Variants in COL23A1 observed in about 807,000 individuals in gnomAD.
The protein encoded by COL23A1 is collagen type XXIII alpha 1 chain.
A neutral mutation model predicts 99.3 loss-of-function variants in COL23A1; 97 were observed. The observed-to-expected ratio is 0.98, with a 90% CI of 0.83 to 1.16. The LOEUF (loss-of-function observed/expected upper bound fraction) is 1.16, where lower values mean the gene tolerates loss of function less well. Ranked by LOEUF, COL23A1 falls within the 50% of genes most tolerant of loss-of-function variation. The pLI is 0.00. For synonymous variants in COL23A1, 320 were observed against 308.2 expected, an observed-to-expected ratio of 1.04 and a Z score of -0.40; for missense variants, 762 against 757.4, an observed-to-expected ratio of 1.01 and a Z score of -0.07.
chr5:178,492,419 G>A (rs1260587517), intron 2 of COL23A1, among the ~76,000 whole-genome samples: 8 of 152,238 alleles, frequency 5.3e-5, no homozygotes, highest in South Asian at 2.1e-4. Context: ...GAAGGCAGCC[G>A]TCTACGAGCC....
At chr5:178,533,648 C>T (rs1760774118) in intron 2 of COL23A1, among the ~76,000 whole-genome samples, 3 of 152,232 alleles carry the variant, frequency 2.0e-5, no homozygotes, top group Non-Finnish European at 2.9e-5. Context: ...CAGGTGTGCA[C>T]CACCACGCCC....
intron 2 of COL23A1, among the ~76,000 whole-genome samples, chr5:178,523,201 T>TGTATATATATATAG (rs1554189087): frequency 1.3e-5 from 1 of 77,632 alleles, no homozygotes; most frequent in African/African-American, 4.6e-5. Flanking sequence ...TATATATATA[T>TGTATATATATATAG]AGAGAGAGAG....
At chr5:178,381,847 A>G (rs186841333) in intron 2 of COL23A1, among the ~76,000 whole-genome samples, 1 of 152,196 alleles carries the variant, frequency 6.6e-6, no homozygotes, top group East Asian at 1.9e-4. Flanking sequence ...TATTGCCCTC[A>G]CTGTTCTTGA....
intron 1 of COL23A1, among the ~76,000 whole-genome samples, chr5:178,569,940 C>G (rs1239396130): frequency 6.6e-6 from 1 of 152,038 alleles, no homozygotes; most frequent in Non-Finnish European, 1.5e-5. Context: ...TTCACTAACT[C>G]AAAGTCAAGT....
chr5:178,548,691 T>C (rs1235290226), intron 2 of COL23A1, among the ~76,000 whole-genome samples: 4 of 152,012 alleles, frequency 2.6e-5, no homozygotes, highest in Non-Finnish European at 5.9e-5. Flanking sequence ...TCCTTATTCT[T>C]GTATAAGAGC....
intron 2 of COL23A1, among the ~76,000 whole-genome samples, chr5:178,416,594 T>C (rs920105941): frequency 2.0e-5 from 3 of 152,206 alleles, no homozygotes; most frequent in Non-Finnish European, 4.4e-5. Context: ...CCATGCCTAT[T>C]TTAAAATCAT....
chr5:178,485,097 C>A (rs941087235), intron 2 of COL23A1, among the ~76,000 whole-genome samples: 1 of 152,198 alleles, frequency 6.6e-6, no homozygotes, highest in Non-Finnish European at 1.5e-5. Context: ...AAAATTCCAG[C>A]AATATGCTAT....
intron 2 of COL23A1, among the ~76,000 whole-genome samples, chr5:178,509,365 C>T (rs535653364): frequency 6.6e-6 from 1 of 152,210 alleles, no homozygotes; most frequent in Non-Finnish European, 1.5e-5. Context: ...GGACTACAAG[C>T]GCCCACCACC....
chr5:178,487,349 C>T (rs947998180), intron 2 of COL23A1, among the ~76,000 whole-genome samples: 1 of 149,100 alleles, frequency 6.7e-6, no homozygotes, highest in Non-Finnish European at 1.5e-5. Flanking sequence ...GAAGGAGTTT[C>T]GCTCTTGTTG....
At chr5:178,538,961 A>C (rs1761131523) in intron 2 of COL23A1, among the ~76,000 whole-genome samples, 1 of 152,270 alleles carries the variant, frequency 6.6e-6, no homozygotes, top group Non-Finnish European at 1.5e-5. Context: ...ACTAAGTAAA[A>C]GAAGCCGGAT....
intron 1 of COL23A1, chr5:178,561,848 G>A (rs1405551591): frequency 3.8e-6 from 1 of 263,158 alleles, no homozygotes; most frequent in East Asian, 9.9e-5. Flanking sequence ...CAAGACCTCA[G>A]CCAGGCCCTG....
At chr5:178,250,196 C>A in intron 17 of COL23A1, 91 bp from the exon 18 acceptor site, 1 of 1,495,174 alleles carries the variant, frequency 6.7e-7, no homozygotes, top group South Asian at 1.2e-5. Flanking sequence ...GTGCACCCGG[C>A]CCAGGGTGGG....
chr5:178,332,387 G>T (rs920806581), intron 2 of COL23A1, among the ~76,000 whole-genome samples: 12 of 152,206 alleles, frequency 7.9e-5, no homozygotes, highest in Non-Finnish European at 1.6e-4. Context: ...TCCTGAGCCA[G>T]CAGCTGGGAG....
intron 2 of COL23A1, among the ~76,000 whole-genome samples, chr5:178,555,237 G>A (rs547180000): frequency 6.6e-6 from 1 of 152,238 alleles, no homozygotes; most frequent in South Asian, 2.1e-4. Context: ...CTCTCCAAGG[G>A]AACATTGTTA....
Position 178,306,160 on chromosome 5 carries a change from A to C in COL23A1, c.406+715T>G, listed in dbSNP as rs748269292. 6.6e-6 allele frequency among the ~76,000 whole-genome samples: 1 copy of C among 151,880 alleles called. No individual in the cohort carries two copies. Among genetic ancestry groups the C allele is most frequent in the Non-Finnish European group, 1.5e-5 (1 of 67,916 alleles). On this transcript the variant is annotated intron_variant, in intron 3 of 28. Transcript: ENST00000390654. The surrounding 1 kb of genome is among the most constrained non-coding windows in gnomAD (Gnocchi z 4.1). Reference sequence around the variant, plus strand: ...GAGCCCGGGTCACAGATGAGGGAGGAAGCGCAGGGAGGAAGCGCAGCCCAG... The same window carrying C: ...GAGCCCGGGTCACAGATGAGGGAGGCAGCGCAGGGAGGAAGCGCAGCCCAG...
intron 1 of COL23A1, among the ~76,000 whole-genome samples, chr5:178,565,532 C>CT (rs1175850318): frequency 6.6e-6 from 1 of 151,586 alleles, no homozygotes; most frequent in Non-Finnish European, 1.5e-5. Context: ...TAAACGTTCT[C>CT]TTTTGATACC....
intron 2 of COL23A1, among the ~76,000 whole-genome samples, chr5:178,488,505 C>T (rs1056199396): frequency 1.3e-5 from 2 of 152,106 alleles, no homozygotes; most frequent in Non-Finnish European, 2.9e-5. Flanking sequence ...CCGCCACCGC[C>T]ATCAGACGCC....
chr5:178,383,850 A>T (rs952902091), intron 2 of COL23A1, among the ~76,000 whole-genome samples: 2 of 151,742 alleles, frequency 1.3e-5, no homozygotes, highest in African/African-American at 4.8e-5. Flanking sequence ...CACGCTGGAC[A>T]TGGTAAAAGC....
chr5:178,368,627 G>T (rs1193678012), intron 2 of COL23A1, among the ~76,000 whole-genome samples: 1 of 152,178 alleles, frequency 6.6e-6, no homozygotes, highest in African/African-American at 2.4e-5. Flanking sequence ...AGTGACTTGA[G>T]CAGGGGAAGA....
Sources: gnomAD v4.1 joint callset for allele counts (sites outside exome capture counted in the v4.1 genomes callset) on GRCh38, gnomAD v4.1.1 for gene constraint, Gnocchi (gnomAD v3.1) non-coding constraint, MANE v1.5 for transcripts, NCBI Gene and HGNC (gene_info 2026-07-23, HGNC 2026-07-21) for gene names.